Variants in PSTPIP2 observed in about 807,000 individuals in gnomAD.
The protein encoded by PSTPIP2 is proline-serine-threonine phosphatase interacting protein 2, also known as proline-serine-threonine phosphatase-interacting protein 2.
A neutral mutation model predicts 63.3 loss-of-function variants in PSTPIP2; 33 were observed. The observed-to-expected ratio is 0.52, with a 90% CI of 0.40 to 0.70. PSTPIP2 has a LOEUF of 0.70. Ranked by LOEUF, PSTPIP2 falls within the 30% of genes least tolerant of loss-of-function variation. PSTPIP2 has a pLI of 0.00. For missense variants in PSTPIP2, 312 were observed against 400.7 expected (o/e 0.78, Z 1.89); for synonymous variants, 125 against 132.7 (o/e 0.94, Z 0.40).
At chr18:46,016,659 A>G (rs1249907856) in intron 3 of PSTPIP2, among the ~76,000 whole-genome samples, 18 of 152,122 alleles carry the variant, frequency 1.2e-4, no homozygotes, top group Admixed American at 8.5e-4. Flanking sequence ...AACAACACAC[A>G]TTTATTATCT....
chr18:46,009,838 C>T (rs2051776068), intron 5 of PSTPIP2, among the ~76,000 whole-genome samples: 1 of 152,146 alleles, frequency 6.6e-6, no homozygotes, highest in South Asian at 2.1e-4. Context: ...GTGAGCAGTC[C>T]TGGCTATGTC....
rs139840804 is a variant in PSTPIP2 at position 46,012,270 on chromosome 18, GA to G, written c.248-984del. Among the ~76,000 whole-genome samples, 91 of 146,602 alleles carry G rather than the reference GA, an allele frequency of 6.2e-4. 1 individual carries two copies. In the Middle Eastern group the frequency reaches 0.01, roughly 17 times the overall value. ...CATGGGACAAAACAGCACTGTTGGG[GA>G]AAAAAAAAACAGCACAACCTTTCTG... On this transcript the variant is annotated intron_variant, in intron 4 of 14. Transcript: ENST00000409746.
chr18:45,995,823 T>G (rs928626829), intron 9 of PSTPIP2, among the ~76,000 whole-genome samples: 2 of 152,146 alleles, frequency 1.3e-5, no homozygotes, highest in Non-Finnish European at 2.9e-5. Context: ...TTTTGCTTTT[T>G]GGGTTTTTTT....
Position 45,999,444 on chromosome 18 carries a change from G to A in PSTPIP2, c.508C>T (p.Gln170Ter). ...TTAGCCCTCCTGGGTACCTTTTCTT[G>A]TTGCTTCGGGTTCACCAGGTTGGCA... ...RSANLVNPKQ[Q>*]EKLFVKLATS... The change falls in exon 7 of 15, where the codon CAA (glutamine) becomes TAA (stop). Residue 170 changes from glutamine to a stop codon, truncating the protein, a stop_gained. Coordinates refer to ENST00000409746, the MANE Select transcript of PSTPIP2 (RefSeq NM_024430.4). LOFTEE classifies it high-confidence loss of function. 1 of 1,614,206 alleles carries A rather than the reference G, an allele frequency of 6.2e-7. No individual in the cohort carries two copies. Among genetic ancestry groups the A allele is most frequent in the Admixed American group, 1.7e-5 (1 of 60,020 alleles).
chr18:45,989,374 G>A (rs1453538219), intron 13 of PSTPIP2, among the ~76,000 whole-genome samples: 3 of 152,076 alleles, frequency 2.0e-5, no homozygotes, highest in South Asian at 2.1e-4. Context: ...AGTGGTTTCC[G>A]CTTTTGCATC....
At chr18:46,047,730 AGT>A (rs1315399335) in intron 1 of PSTPIP2, among the ~76,000 whole-genome samples, 2 of 152,188 alleles carry the variant, frequency 1.3e-5, no homozygotes, top group Non-Finnish European at 2.9e-5. Context: ...TTAAAACATG[AGT>A]AAGTGTTCTT....
chr18:46,031,036 G>A (rs1907773253), intron 2 of PSTPIP2, among the ~76,000 whole-genome samples: 1 of 152,182 alleles, frequency 6.6e-6, no homozygotes, highest in African/African-American at 2.4e-5. Flanking sequence ...GTGTATCAGA[G>A]TTTCCTGGTT....
intron 2 of PSTPIP2, among the ~76,000 whole-genome samples, chr18:46,031,662 A>G (rs1907790014): frequency 6.6e-6 from 1 of 152,234 alleles, no homozygotes; most frequent in South Asian, 2.1e-4. Context: ...TCATTTTTAA[A>G]AATATATAAT....
intron 1 of PSTPIP2, among the ~76,000 whole-genome samples, chr18:46,068,783 C>T (rs1909285816): frequency 6.6e-6 from 1 of 152,116 alleles, no homozygotes; most frequent in South Asian, 2.1e-4. Flanking sequence ...GAACCAATCC[C>T]CTACAGATAC....
At chr18:46,043,220 T>G (rs953860641) in intron 1 of PSTPIP2, among the ~76,000 whole-genome samples, 2 of 111,056 alleles carry the variant, frequency 1.8e-5, no homozygotes, top group African/African-American at 3.7e-5. Context: ...ACCTCACCTC[T>G]CCTTAAAAAA....
At chr18:45,990,940 G>A (rs547966674) in intron 12 of PSTPIP2, among the ~76,000 whole-genome samples, 184 bp from the exon 13 acceptor site, 15 of 152,222 alleles carry the variant, frequency 9.9e-5, no homozygotes, top group Non-Finnish European at 1.9e-4. Context: ...TGCAGACGTC[G>A]TACTATGGCA....
intron 1 of PSTPIP2, among the ~76,000 whole-genome samples, chr18:46,044,953 A>G (rs1281837546): frequency 3.9e-5 from 6 of 152,260 alleles, no homozygotes; most frequent in African/African-American, 1.4e-4. Context: ...TCAAAACCAC[A>G]ATGAGATACC....
chr18:46,012,361 T>G (rs2051807450), intron 4 of PSTPIP2, among the ~76,000 whole-genome samples: 1 of 152,176 alleles, frequency 6.6e-6, no homozygotes, highest in South Asian at 2.1e-4. Context: ...CAGATCTATA[T>G]GAATTGAAAC....
chr18:46,039,605 T>A (rs1908113610), intron 2 of PSTPIP2, among the ~76,000 whole-genome samples: 1 of 152,144 alleles, frequency 6.6e-6, no homozygotes, highest in Admixed American at 6.5e-5. Context: ...CCTTTTTCCT[T>A]CCCTCTCCTT....
At chr18:46,001,047 A>G (rs2051660244) in intron 6 of PSTPIP2, among the ~76,000 whole-genome samples, 1 of 152,240 alleles carries the variant, frequency 6.6e-6, no homozygotes, top group East Asian at 1.9e-4. Flanking sequence ...AGCCTGAAGG[A>G]CATTATGTTA....
intron 1 of PSTPIP2, among the ~76,000 whole-genome samples, chr18:46,071,562 G>C (rs1909393607): frequency 6.6e-6 from 1 of 152,118 alleles, no homozygotes; most frequent in Non-Finnish European, 1.5e-5. Flanking sequence ...CCTGGGGAGG[G>C]GGCTCGGGAA....
rs1029354182 is a variant in PSTPIP2 at position 46,049,174 on chromosome 18, C to T, written c.34-9127G>A. Among the ~76,000 whole-genome samples the T allele has an allele frequency of 1.3e-4, 20 of 152,016 alleles. No homozygotes were observed. The East Asian group carries it at 3.3e-3, about 25-fold the overall frequency. On this transcript the variant is annotated intron_variant, in intron 1 of 14. Transcript: ENST00000409746. ...AAATCTAAATTTCTTTAATTAAAAA[C>T]ATCAAAATTCAGCATAATAGCCAAC... is the stretch of plus-strand genomic sequence containing the variant.
At chr18:46,033,700 A>G (rs1487798885) in intron 2 of PSTPIP2, among the ~76,000 whole-genome samples, 2 of 56,800 alleles carry the variant, frequency 3.5e-5, no homozygotes, top group African/African-American at 4.8e-5. Context: ...TCCATCTCGA[A>G]AAAAAAAAAA....
At position 45,985,022 on chromosome 18, in the gene PSTPIP2, T is replaced by G. The variant is rs2051453458; in HGVS notation, c.*437A>C. On this transcript the variant is annotated 3_prime_UTR_variant, in exon 15 of 15. Transcript: ENST00000409746. ...CTTCCAGCCAAAAAGGAAGGTAATT[T>G]TAAATCTTGCACCACTGAGGCTGTG... The G allele has an allele frequency of 5.7e-6, 1 of 176,604 alleles. No homozygotes were observed. Among genetic ancestry groups the G allele is most frequent in the Non-Finnish European group, 1.2e-5 (1 of 84,824 alleles). 10.9% of individuals were successfully genotyped at this position (176,604 alleles called of 1,614,324 possible).
Sources: gnomAD v4.1 joint callset for allele counts (sites outside exome capture counted in the v4.1 genomes callset) on GRCh38, gnomAD v4.1.1 for gene constraint, MANE v1.5 for transcripts, NCBI Gene and HGNC (gene_info 2026-07-23, HGNC 2026-07-21) for gene names.